Variants in DMD observed in about 807,000 individuals in gnomAD.
DMD encodes dystrophin.
A neutral mutation model predicts 330.1 loss-of-function variants in DMD; 63 were observed. The ratio of observed to expected loss-of-function variants is 0.19; its 90% CI spans 0.16 to 0.24. The LOEUF (loss-of-function observed/expected upper bound fraction) is 0.24. DMD is among the 10% of genes least tolerant of loss of function. DMD has a pLI of 1.00. For synonymous variants in DMD, 1,223 were observed against 959.8 expected, an observed-to-expected ratio of 1.27 and a Z score of -5.07; for missense variants, 3,344 against 2,684.1, an observed-to-expected ratio of 1.25 and a Z score of -5.43.
chrX:31,750,417 C>T (rs1248809509), intron 51 of DMD, among the ~76,000 whole-genome samples: 1 of 109,804 alleles, frequency 9.1e-6, no homozygotes. Context: ...TTCCCCATTG[C>T]TTGTTTTTCT....
chrX:33,078,376 G>A (rs1490533206), intron 1 of DMD, among the ~76,000 whole-genome samples: 1 of 112,028 alleles, frequency 8.9e-6, no homozygotes, highest in Non-Finnish European at 1.9e-5. Context: ...GATTCTTATT[G>A]CACGTATGCA....
At chrX:31,187,755 G>C (rs868175237) in intron 67 of DMD, among the ~76,000 whole-genome samples, 1 of 76,924 alleles carries the variant, frequency 1.3e-5, no homozygotes, top group Non-Finnish European at 2.7e-5. Context: ...GAGAGAGAGA[G>C]AGAGAGAGAG....
At chrX:31,819,154 A>C (rs1403631449) in intron 50 of DMD, among the ~76,000 whole-genome samples, 1 of 112,345 alleles carries the variant, frequency 8.9e-6, no homozygotes, top group Non-Finnish European at 1.9e-5. Context: ...GCCAGCATTA[A>C]CATTGCCATG....
Position 32,210,693 on chromosome X carries a change from C to T in DMD, c.6438+6223G>A, listed in dbSNP as rs752228579. Among the ~76,000 whole-genome samples, 4 of 111,453 alleles carry T rather than the reference C, an allele frequency of 3.6e-5. No homozygotes were observed. The South Asian group carries it at 1.1e-3, about 31-fold the overall frequency. On this transcript the variant is annotated intron_variant, in intron 44 of 78. Coordinates refer to ENST00000357033, the MANE Select transcript of DMD (RefSeq NM_004006.3). Reference sequence around the variant, plus strand: ...TGTTAGGTGTATCCTAATAAAAATACGAAAACTCATTCTCTGTAGCAGATA... The same window carrying T: ...TGTTAGGTGTATCCTAATAAAAATATGAAAACTCATTCTCTGTAGCAGATA...
Position 31,684,234 on chromosome X carries a change from A to C in DMD, c.7661-4648T>G, listed in dbSNP as rs765309475. On this transcript the variant is annotated intron_variant, in intron 52 of 78. Coordinates refer to ENST00000357033, the MANE Select transcript of DMD (RefSeq NM_004006.3). ...ATTGTAGACTATCCAACCATAGATCATTATAAGAAGGAAGTCAGAGGGGAG... is the reference window on the plus strand; with the variant it reads ...ATTGTAGACTATCCAACCATAGATCCTTATAAGAAGGAAGTCAGAGGGGAG... Among the ~76,000 whole-genome samples, 15 of 112,262 alleles carry C rather than the reference A, an allele frequency of 1.3e-4. No homozygotes were observed. The South Asian group carries it at 5.5e-3, about 42-fold the overall frequency.
chrX:32,701,238 C>A (rs1280720391), intron 7 of DMD, among the ~76,000 whole-genome samples: 1 of 111,853 alleles, frequency 8.9e-6, no homozygotes. Flanking sequence ...ACTGTTACAT[C>A]ATCTCCCGTT....
chrX:32,999,667 T>C (rs2147396927), intron 2 of DMD, among the ~76,000 whole-genome samples: 1 of 110,549 alleles, frequency 9.0e-6, no homozygotes, highest in East Asian at 2.9e-4. Context: ...TCCCAGCTAC[T>C]CAGGAGGCTG....
In DMD at chrX:32,815,347, T is replaced by C. The variant is rs961590957; in HGVS notation, c.530+1121A>G. Among the ~76,000 whole-genome samples the C allele has an allele frequency of 5.6e-5, 6 of 106,497 alleles. No individual in the cohort carries two copies. In the South Asian group the frequency reaches 1.2e-3, roughly 22 times the overall value. The allele number at this position is 106,497 out of a possible 115,157, so 92.5% of individuals were successfully genotyped here. A position where few individuals can be genotyped will look rare whatever the true frequency, so the allele number is the denominator to read the frequency against. ...CAAAGTGAGAAAACATAACTTGCACTGAAAATTAGGCAAGATGCAGTCCAG... is the reference window on the plus strand; with the variant it reads ...CAAAGTGAGAAAACATAACTTGCACCGAAAATTAGGCAAGATGCAGTCCAG... On this transcript the variant is annotated intron_variant, in intron 6 of 78. Transcript: ENST00000357033.
chrX:32,560,514 G>A lies in DMD; in HGVS notation c.1992+5188C>T, dbSNP rs755453250. Reference sequence around the variant, plus strand: ...TGTTATGGAGGTAAATGTGTGCCACGGTGGTATGGTGCACCTACAGACCCA... The same window carrying A: ...TGTTATGGAGGTAAATGTGTGCCACAGTGGTATGGTGCACCTACAGACCCA... On this transcript the variant is annotated intron_variant, in intron 16 of 78. Coordinates refer to ENST00000357033, the MANE Select transcript of DMD (RefSeq NM_004006.3). Among the ~76,000 whole-genome samples the A allele has an allele frequency of 4.5e-5, 5 of 110,109 alleles. No individual in the cohort carries two copies. The South Asian group carries it at 1.2e-3, about 26-fold the overall frequency.
intron 55 of DMD, among the ~76,000 whole-genome samples, chrX:31,571,254 G>GGTGTGTGTGTGTGTGTGTGTGT (rs371098859): frequency 8.8e-5 from 8 of 90,454 alleles, no homozygotes; most frequent in South Asian, 6.4e-4. Context: ...GATTTAAAGG[G>GGTGTGTGTGTGTGTGTGTGTGT]GTGTGTGTGT....
At chrX:32,791,890 T>C (rs189396167) in intron 7 of DMD, among the ~76,000 whole-genome samples, 1,341 of 109,970 alleles carry the variant, frequency 0.012, 22 homozygotes, top group African/African-American at 0.043. Context: ...TGCTGAAAGA[T>C]CTCAAAAAGG....
At chrX:33,076,254 T>C (rs1458432538) in intron 1 of DMD, among the ~76,000 whole-genome samples, 1 of 111,529 alleles carries the variant, frequency 9.0e-6, no homozygotes, top group East Asian at 2.8e-4. Context: ...TTAAAAACCC[T>C]GGTCCCCAAA....
chrX:32,397,764 C>A (rs1453722088), intron 30 of DMD, among the ~76,000 whole-genome samples: 1 of 111,090 alleles, frequency 9.0e-6, no homozygotes, highest in Non-Finnish European at 1.9e-5. Context: ...TCTTGCTTTA[C>A]CTCATCAAAC....
intron 34 of DMD, among the ~76,000 whole-genome samples, chrX:32,369,576 C>A (rs1390060608): frequency 9.0e-6 from 1 of 110,927 alleles, no homozygotes; most frequent in Non-Finnish European, 1.9e-5. Context: ...CCTATAGGAA[C>A]ACCTTTACAA....
chrX:32,187,373 AG>A (rs1160715887), intron 44 of DMD, among the ~76,000 whole-genome samples: 2 of 111,320 alleles, frequency 1.8e-5, no homozygotes, highest in Non-Finnish European at 3.8e-5. Context: ...ACCACAGGAA[AG>A]CATTACGTCT....
chrX:32,411,150 T>G (rs2098140197), intron 30 of DMD, among the ~76,000 whole-genome samples: 1 of 107,229 alleles, frequency 9.3e-6, no homozygotes, highest in African/African-American at 3.7e-5. Context: ...TTTCTTTTTA[T>G]AAGATAGAGT....
intron 42 of DMD, 61 bp downstream of exon 42, chrX:32,310,021 G>A (rs2097555822): frequency 3.6e-5 from 37 of 1,024,150 alleles, no homozygotes; most frequent in Non-Finnish European, 5.1e-5. Flanking sequence ...AATTGTTCTG[G>A]CACTATGAAT....
chrX:31,491,229 G>C (rs1253394331), intron 57 of DMD, among the ~76,000 whole-genome samples: 1 of 111,848 alleles, frequency 8.9e-6, no homozygotes, highest in African/African-American at 3.2e-5. Flanking sequence ...ATCTCCATTT[G>C]GATTTGGGGT....
chrX:32,743,814 T>C (rs1487851885), intron 7 of DMD, among the ~76,000 whole-genome samples: 1 of 111,582 alleles, frequency 9.0e-6, no homozygotes, highest in South Asian at 3.8e-4. Context: ...CTTATACAAC[T>C]AAATAAAATA....
Sources: gnomAD v4.1 joint callset for allele counts (sites outside exome capture counted in the v4.1 genomes callset) on GRCh38, gnomAD v4.1.1 for gene constraint, MANE v1.5 for transcripts, NCBI Gene and HGNC (gene_info 2026-07-23, HGNC 2026-07-21) for gene names.